Variants in EXOC6 observed in about 807,000 individuals in gnomAD.
EXOC6 encodes exocyst complex component 6, also known as SEC15-like 1.
A neutral mutation model predicts 112.5 loss-of-function variants in EXOC6; 60 were observed. The observed-to-expected ratio is 0.53, with a 90% CI of 0.43 to 0.66. EXOC6 has a LOEUF of 0.66. Ranked by LOEUF, EXOC6 falls within the 30% of genes least tolerant of loss-of-function variation. EXOC6 has a pLI of 0.00. For missense variants in EXOC6, 855 were observed against 957.1 expected (o/e 0.89, Z 1.41); for synonymous variants, 295 against 308.0 (o/e 0.96, Z 0.44).
chr10:92,930,980 C>T (rs914600963), intron 9 of EXOC6, among the ~76,000 whole-genome samples: 6 of 151,730 alleles, frequency 4.0e-5, no homozygotes, highest in Admixed American at 1.3e-4. Context: ...GGAGTGGTGG[C>T]GTGTGCCTGT....
In EXOC6 at chr10:93,058,662, C is replaced by G. The variant is rs773027828; in HGVS notation, c.*307C>G. On this transcript the variant is annotated 3_prime_UTR_variant, in exon 22 of 22. Transcript: ENST00000260762. ...ACAAATACATTTGAAAAACATATGC[C>G]TCTACTCATAAGTATTTTTTTCTAT... 36 of 207,206 alleles carry G rather than the reference C, an allele frequency of 1.7e-4. No homozygotes were observed. Among genetic ancestry groups the G allele is most frequent in the Non-Finnish European group, 2.9e-4 (30 of 104,352 alleles). The allele number at this position is 207,206 out of a possible 1,614,324, so 12.8% of individuals were successfully genotyped here. A position where few individuals can be genotyped will look rare whatever the true frequency, so the allele number is the denominator to read the frequency against.
upstream of EXOC6, among the ~76,000 whole-genome samples, chr10:92,832,966 T>G (rs922233434): frequency 7.9e-5 from 12 of 152,346 alleles, no homozygotes; most frequent in Non-Finnish European, 1.3e-4. Context: ...CCAAGAACTT[T>G]AAGATAGATT....
At chr10:92,864,370 T>G (rs1217822039) in intron 1 of EXOC6, among the ~76,000 whole-genome samples, 1 of 152,254 alleles carries the variant, frequency 6.6e-6, no homozygotes, top group African/African-American at 2.4e-5. Context: ...TGTCCTTCAC[T>G]GTGCTCTTTC....
intron 20 of EXOC6, among the ~76,000 whole-genome samples, chr10:93,028,712 T>C (rs1030675825): frequency 6.6e-6 from 1 of 151,710 alleles, no homozygotes; most frequent in Non-Finnish European, 1.5e-5. Context: ...CATATGCCTG[T>C]AATCCTAGCT....
chr10:93,033,419 A>C (rs2134300705), intron 20 of EXOC6, among the ~76,000 whole-genome samples: 1 of 152,298 alleles, frequency 6.6e-6, no homozygotes, highest in Middle Eastern at 3.4e-3. Flanking sequence ...TTTTTATTTC[A>C]AGAGAACTGT....
chr10:92,934,214 C>A, intron 10 of EXOC6, 24 bp downstream of exon 10: 1 of 1,516,066 alleles, frequency 6.6e-7, no homozygotes, highest in East Asian at 2.3e-5. Context: ...ATGGAAATAA[C>A]TATTATTAAT....
chr10:92,860,243 C>G (rs954671056), intron 1 of EXOC6, among the ~76,000 whole-genome samples: 5 of 150,242 alleles, frequency 3.3e-5, no homozygotes, highest in Non-Finnish European at 5.9e-5. Flanking sequence ...TGTTCTGCCA[C>G]CATTATCATC....
chr10:92,974,982 C>T (rs1041784781), intron 18 of EXOC6, among the ~76,000 whole-genome samples: 10 of 152,054 alleles, frequency 6.6e-5, no homozygotes, highest in African/African-American at 2.2e-4. Flanking sequence ...TCTGCCCGGC[C>T]GCCACCCCGT....
At chr10:92,955,770 G>C in intron 17 of EXOC6, 56 bp downstream of exon 17, 1 of 1,504,956 alleles carries the variant, frequency 6.6e-7, no homozygotes, top group Non-Finnish European at 9.0e-7. Flanking sequence ...CAGACGTTAA[G>C]AAATTAAAGA....
intron 17 of EXOC6, among the ~76,000 whole-genome samples, chr10:92,966,139 T>C (rs952312054): frequency 3.9e-5 from 6 of 152,084 alleles, no homozygotes; most frequent in East Asian, 1.9e-4. Context: ...AACAGACTTA[T>C]CAACAAAGTT....
intron 1 of EXOC6, among the ~76,000 whole-genome samples, chr10:92,868,317 G>A (rs1322565431): frequency 1.3e-5 from 2 of 152,070 alleles, no homozygotes; most frequent in African/African-American, 4.8e-5. Context: ...TTATTAAAAT[G>A]TAGGTCTTTT....
intron 6 of EXOC6, among the ~76,000 whole-genome samples, chr10:92,914,320 C>G (rs956718892): frequency 1.3e-5 from 2 of 152,122 alleles, no homozygotes; most frequent in Admixed American, 1.3e-4. Flanking sequence ...GACCACTGCT[C>G]TAGGGAGAAC....
intron 5 of EXOC6, among the ~76,000 whole-genome samples, chr10:92,905,059 C>G (rs1850369360): frequency 1.3e-5 from 2 of 152,032 alleles, no homozygotes; most frequent in South Asian, 4.1e-4. Context: ...TAAAGAACGA[C>G]TCTTTTTCCA....
At chr10:93,010,469 C>T (rs368213920) in intron 19 of EXOC6, among the ~76,000 whole-genome samples, 10 of 151,900 alleles carry the variant, frequency 6.6e-5, no homozygotes, top group Non-Finnish European at 1.0e-4. Flanking sequence ...TTTGGGAGAC[C>T]GAGGCAGATC....
chr10:93,010,773 A>C (rs1844202276), intron 19 of EXOC6, among the ~76,000 whole-genome samples: 1 of 152,096 alleles, frequency 6.6e-6, no homozygotes, highest in African/African-American at 2.4e-5. Flanking sequence ...ACGTGTTTCA[A>C]AGAGGTTGTC....
At chr10:92,966,557 C>T (rs1289534946) in intron 17 of EXOC6, among the ~76,000 whole-genome samples, 2 of 149,932 alleles carry the variant, frequency 1.3e-5, no homozygotes, top group Non-Finnish European at 3.0e-5. Context: ...TTGGTCCTTG[C>T]GATAGTTTAC....
intron 20 of EXOC6, among the ~76,000 whole-genome samples, chr10:93,019,995 A>G (rs1181624207): frequency 1.3e-5 from 2 of 152,200 alleles, no homozygotes; most frequent in Non-Finnish European, 2.9e-5. Context: ...CAGGCCAAAT[A>G]TGGTAAGACT....
chr10:93,041,792 A>G (rs1017251439), intron 20 of EXOC6, among the ~76,000 whole-genome samples: 1 of 151,520 alleles, frequency 6.6e-6, no homozygotes, highest in African/African-American at 2.4e-5. Flanking sequence ...GCCCACTGCA[A>G]CCTCCACCTC....
At chr10:93,019,751 C>A (rs557163810) in intron 20 of EXOC6, among the ~76,000 whole-genome samples, 180 of 152,342 alleles carry the variant, frequency 1.2e-3, no homozygotes, top group Middle Eastern at 3.4e-3. Context: ...AAAAATGTCA[C>A]TTTCTGGCAG....
Sources: allele counts gnomAD v4.1 joint callset (sites outside exome capture counted in the v4.1 genomes callset), GRCh38; gene constraint gnomAD v4.1.1; transcripts MANE v1.5; gene names NCBI Gene and HGNC (gene_info 2026-07-23, HGNC 2026-07-21).